Variants in PRKCH observed in about 807,000 individuals in gnomAD.
The protein encoded by PRKCH is protein kinase C eta type.
A neutral mutation model predicts 82.5 loss-of-function variants in PRKCH; 28 were observed. That is an observed-to-expected ratio of 0.34 (90% CI 0.25 to 0.47). The LOEUF (loss-of-function observed/expected upper bound fraction) is 0.47. Among genes scored for constraint, PRKCH ranks in the 20% least tolerant of loss-of-function variants. PRKCH has a pLI of 1.00. For missense variants in PRKCH, 705 were observed against 881.8 expected, an observed-to-expected ratio of 0.80 and a Z score of 2.54; for synonymous variants, 322 against 327.4, an observed-to-expected ratio of 0.98 and a Z score of 0.18.
At chr14:61,538,846 T>C (rs2043145574) in intron 12 of PRKCH, among the ~76,000 whole-genome samples, 1 of 152,240 alleles carries the variant, frequency 6.6e-6, no homozygotes, top group South Asian at 2.1e-4. Context: ...ATAATGCGCA[T>C]CCAGGATAAA....
chr14:61,351,536 T>C (rs1048560433), intron 1 of PRKCH, among the ~76,000 whole-genome samples: 1 of 152,202 alleles, frequency 6.6e-6, no homozygotes, highest in Non-Finnish European at 1.5e-5. Flanking sequence ...TAAGATTTGT[T>C]CTAAATACAC....
intron 2 of PRKCH, among the ~76,000 whole-genome samples, chr14:61,441,727 ATTTT>A (rs76602358): frequency 3.1e-5 from 4 of 127,080 alleles, no homozygotes; most frequent in African/African-American, 2.8e-5. Flanking sequence ...TCTGCTTTGT[ATTTT>A]TTTTTTTTTT....
At chr14:61,441,724 T>C (rs1350895395) in intron 2 of PRKCH, among the ~76,000 whole-genome samples, 2 of 146,902 alleles carry the variant, frequency 1.4e-5, no homozygotes, top group African/African-American at 5.2e-5. Context: ...TTTTCTGCTT[T>C]GTATTTTTTT....
rs1445557919 is a variant in PRKCH at position 61,457,624 on chromosome 14, C to G, written c.1223C>G (p.Ser408Cys). The G allele has an allele frequency of 1.2e-6, 2 of 1,614,082 alleles. No individual in the cohort carries two copies. The highest frequency in any genetic ancestry group is 1.7e-6 in the Non-Finnish European group (2 of 1,180,048). ...ECTMTEKRILSLARNHPFLTQ... is the reference protein window; with the variant it reads ...ECTMTEKRILCLARNHPFLTQ... ...ACCATGACCGAGAAAAGGATCCTGT[C>G]TCTGGCCCGCAATCACCCCTTCCTC... The change falls in exon 9 of 14, where the codon TCT becomes TGT. Residue 408 changes from serine (S) to cysteine (C), a missense_variant. Ser to Cys is a moderately radical substitution (Grantham distance 112). Transcript: ENST00000332981.
chr14:61,537,455 T>C (rs1214982442), intron 12 of PRKCH: 2 of 152,226 alleles, frequency 1.3e-5, no homozygotes, highest in Non-Finnish European at 2.9e-5. Flanking sequence ...ATGCTGATAA[T>C]GATGAGACAA....
chr14:61,357,206 A>G (rs938067430), intron 1 of PRKCH, among the ~76,000 whole-genome samples: 6 of 152,204 alleles, frequency 3.9e-5, no homozygotes, highest in Non-Finnish European at 8.8e-5. Context: ...TATACTGGGC[A>G]GGTTGGTGCT....
At chr14:61,270,724 G>A (rs914818482) in intron 1 of PRKCH, among the ~76,000 whole-genome samples, 2 of 152,234 alleles carry the variant, frequency 1.3e-5, no homozygotes, top group Non-Finnish European at 2.9e-5. Flanking sequence ...TGTAATCCCA[G>A]CACGTAGTGA....
At chr14:61,195,457 A>T (rs1002288666) in intron 1 of PRKCH, among the ~76,000 whole-genome samples, 1 of 152,266 alleles carries the variant, frequency 6.6e-6, no homozygotes, top group African/African-American at 2.4e-5. Flanking sequence ...GTGTCAGGCA[A>T]TGTGCTAGTC....
At chr14:61,199,434 T>C (rs2044463189) in intron 1 of PRKCH, among the ~76,000 whole-genome samples, 1 of 152,230 alleles carries the variant, frequency 6.6e-6, no homozygotes, top group South Asian at 2.1e-4. Flanking sequence ...TGCCCTCTGC[T>C]CTGGTTTCTG....
At chr14:61,407,186 G>A (rs1881998183) in intron 2 of PRKCH, among the ~76,000 whole-genome samples, 1 of 152,168 alleles carries the variant, frequency 6.6e-6, no homozygotes, top group Non-Finnish European at 1.5e-5. Context: ...CTCATGCTCT[G>A]ACCATTTAGT....
intron 1 of PRKCH, chr14:61,347,898 A>C (rs933346999): frequency 2.6e-5 from 4 of 152,868 alleles, no homozygotes; most frequent in Admixed American, 6.5e-5. Flanking sequence ...ATTAAATAGC[A>C]CTTTAACAAG....
At chr14:61,322,691 G>T (rs2045644460) in intron 1 of PRKCH, 6 of 556,440 alleles carry the variant, frequency 1.1e-5, no homozygotes, top group Non-Finnish European at 1.8e-5. Flanking sequence ...TCCCCTTTCA[G>T]GACAGCGGCT....
intron 9 of PRKCH, among the ~76,000 whole-genome samples, chr14:61,471,472 A>G (rs114562867): frequency 0.011 from 1,700 of 152,142 alleles, 33 homozygotes; most frequent in African/African-American, 0.039. Flanking sequence ...CACCATGCCC[A>G]GTTAGCCATC....
chr14:61,338,623 T>TGTCATTAATAAGATAAGATAAGATAA (rs2045889141), intron 1 of PRKCH, among the ~76,000 whole-genome samples: 1 of 152,134 alleles, frequency 6.6e-6, no homozygotes, highest in Non-Finnish European at 1.5e-5. Context: ...AGCCTGCGCT[T>TGTCATTAATAAGATAAGATAAGATAA]GATAAGAACA....
At chr14:61,351,891 G>T (rs541190723) in intron 1 of PRKCH, among the ~76,000 whole-genome samples, 3 of 152,072 alleles carry the variant, frequency 2.0e-5, no homozygotes, top group Non-Finnish European at 4.4e-5. Context: ...TAACTTTGAA[G>T]GCTGCCACTT....
intron 1 of PRKCH, among the ~76,000 whole-genome samples, chr14:61,350,953 CA>C (rs2046066216): frequency 6.6e-6 from 1 of 152,190 alleles, no homozygotes; most frequent in African/African-American, 2.4e-5. Context: ...TGGCCTCAAT[CA>C]AGGAAACAAG....
At chr14:61,465,451 G>GT (rs924454564) in intron 9 of PRKCH, among the ~76,000 whole-genome samples, 5 of 152,100 alleles carry the variant, frequency 3.3e-5, no homozygotes, top group Non-Finnish European at 5.9e-5. Flanking sequence ...TAGATATCCA[G>GT]TTTTTTCAAC....
At chr14:61,279,850 G>C (rs779256729) in intron 1 of PRKCH, 6 of 521,160 alleles carry the variant, frequency 1.2e-5, no homozygotes, top group African/African-American at 3.8e-5. Context: ...ACTCAGTGTC[G>C]TGAAGGAGGT....
intron 9 of PRKCH, among the ~76,000 whole-genome samples, chr14:61,464,986 C>T (rs1454939784): frequency 6.6e-6 from 1 of 152,136 alleles, no homozygotes; most frequent in Non-Finnish European, 1.5e-5. Context: ...AATGGTTGAA[C>T]TAATTTACAT....
Sources: allele counts gnomAD v4.1 joint callset (sites outside exome capture counted in the v4.1 genomes callset), GRCh38; gene constraint gnomAD v4.1.1; transcripts MANE v1.5; gene names NCBI Gene and HGNC (gene_info 2026-07-23, HGNC 2026-07-21).